The following TPRX1 variants were observed in gnomAD, a reference collection of about 807,000 sequenced individuals.
The protein encoded by TPRX1 is tetrapeptide repeat homeobox 1, also known as tetra-peptide repeat homeobox protein 1.
A neutral mutation model predicts 8.1 loss-of-function variants in TPRX1; 2 were observed. The ratio of observed to expected loss-of-function variants is 0.25; its 90% CI spans 0.10 to 0.78. The LOEUF (loss-of-function observed/expected upper bound fraction) is 0.78. Among genes scored for constraint, TPRX1 ranks in the 30% least tolerant of loss-of-function variants. The pLI, the probability that TPRX1 is intolerant of heterozygous loss-of-function variation, is 0.70. For synonymous variants in TPRX1, 257 were observed against 254.1 expected, an observed-to-expected ratio of 1.01 and a Z score of -0.11; for missense variants, 517 against 586.9, an observed-to-expected ratio of 0.88 and a Z score of 1.23.
At chr19:47,813,155 C>A (rs1568616706) in intron 2 of TPRX1, among the ~76,000 whole-genome samples, 1 of 115,246 alleles carries the variant, frequency 8.7e-6, no homozygotes, top group Non-Finnish European at 1.9e-5. Flanking sequence ...ATAAATAAAA[C>A]AACCCCCCCC....
At position 47,802,546 on chromosome 19, in the gene TPRX1, G is replaced by A. The variant is rs192305541; in HGVS notation, c.756C>T (p.Gly252=). The change falls in exon 4 of 4, where the codon GGC becomes GGT. Residue 252 remains glycine, a synonymous_variant. Transcript: ENST00000535759. ...GGATCGGGGCTGGGCCTGAAATTGG[G>A]CCTGGGATTGGGCCACGGAATGGGC... 2,159 of 1,550,182 alleles carry A rather than the reference G, an allele frequency of 1.4e-3. 9 individuals carry two copies. Among genetic ancestry groups the A allele is most frequent in the African/African-American group, 0.013 (971 of 72,692 alleles).
At chr19:47,809,252 A>G (rs1967761261) in intron 2 of TPRX1, among the ~76,000 whole-genome samples, 1 of 152,112 alleles carries the variant, frequency 6.6e-6, no homozygotes, top group Non-Finnish European at 1.5e-5. Context: ...TATATATTAT[A>G]CATATACATA....
intron 2 of TPRX1, among the ~76,000 whole-genome samples, chr19:47,815,129 T>TATATATGCAAATATATATATATATGCAA (rs1555800034): frequency 3.9e-5 from 4 of 101,790 alleles, no homozygotes; most frequent in African/African-American, 1.4e-4. Flanking sequence ...TATATATATA[T>TATATATGCAAATATATATATATATGCAA]ATATATATAT....
intron 2 of TPRX1, chr19:47,818,359 T>TCCAC (rs1967868346): frequency 3.0e-6 from 1 of 334,428 alleles, no homozygotes; most frequent in African/African-American, 4.0e-5. Flanking sequence ...CATCCATCCA[T>TCCAC]CCATCCATCA....
chr19:47,801,736 G>A (rs1247475322), exon 4 of TPRX1: 4 of 1,524,358 alleles, frequency 2.6e-6, no homozygotes, highest in South Asian at 1.3e-5. Flanking sequence ...GCCACTCCAG[G>A]CCCTCTGGGA....
At chr19:47,803,050 T>C in intron 3 of TPRX1, 70 bp from the exon 3 acceptor site, 1 of 1,467,186 alleles carries the variant, frequency 6.8e-7, no homozygotes. Context: ...CCTTTTGGGG[T>C]CGGGGCCAGC....
Position 47,802,758 on chromosome 19 carries a change from G to A in TPRX1, c.544C>T (p.Gln182Ter), listed in dbSNP as rs1263023951. Residue 182 changes from glutamine to a stop codon, truncating the protein, a stop_gained, in exon 4 of 4, where the codon CAG (glutamine) becomes TAG (stop). Transcript: ENST00000535759. LOFTEE classifies it low-confidence loss of function (END_TRUNC). ...CTCAGGGCAGCTGGGATGCCCTTCT[G>A]GGCTCTGCACCCAGGGCCACCCCAG... The A allele has an allele frequency of 6.8e-6, 11 of 1,606,822 alleles. No individual in the cohort carries two copies. Among genetic ancestry groups the A allele is most frequent in the African/African-American group, 1.3e-5 (1 of 74,862 alleles).
chr19:47,818,327 A>G, intron 2 of TPRX1: 1 of 307,012 alleles, frequency 3.3e-6, no homozygotes, highest in Non-Finnish European at 6.2e-6. Flanking sequence ...CCATCCATCC[A>G]TCCATCCATC....
chr19:47,801,988 G>A lies in TPRX1; in HGVS notation c.1314C>T (p.Ser438=), dbSNP rs115054462. ...ATAACTGGGTGTCTGGCAAGAAGTC[G>A]GAGGCATCGGGGCTCTGAGGCCATA... is the stretch of plus-strand genomic sequence containing the variant. The change falls in exon 4 of 4, where the codon TCC becomes TCT. Residue 438 remains serine, a synonymous_variant. Coordinates refer to ENST00000535759, the Ensembl canonical transcript of TPRX1. The A allele has an allele frequency of 1.2e-3, 1,982 of 1,613,938 alleles. 24 individuals are homozygous for A. In the African/African-American group the frequency reaches 0.023, roughly 18 times the overall value.
chr19:47,802,740 C>T lies in TPRX1; in HGVS notation c.562G>A (p.Ala188Thr). ...ATCGGGCCAGGGCCTGGACTCAGGG[C>T]AGCTGGGATGCCCTTCTGGGCTCTG... is the stretch of plus-strand genomic sequence containing the variant. The change falls in exon 4 of 4, where the codon GCC becomes ACC. Residue 188 changes from alanine (A) to threonine (T), a missense_variant. By Grantham distance (58) the Ala-to-Thr change is moderately conservative (BLOSUM62 0). Transcript: ENST00000535759. 8.7e-6 allele frequency: 14 copies of T among 1,602,854 alleles called. No individual in the cohort carries two copies. The highest frequency in any genetic ancestry group is 1.2e-5 in the Non-Finnish European group (14 of 1,175,410).
intron 2 of TPRX1, among the ~76,000 whole-genome samples, chr19:47,815,145 C>CATATATATATATATATATAT (rs1967825613): frequency 3.0e-5 from 1 of 33,840 alleles, no homozygotes; most frequent in Non-Finnish European, 6.0e-5. Flanking sequence ...TATATATATG[C>CATATATATATATATATATAT]AAATATATAT....
At position 47,801,910 on chromosome 19, in the gene TPRX1, TG is replaced by T. The variant is rs1967667619; in HGVS notation, c.1391del (p.Ser464Ter). On this transcript the variant is annotated frameshift_variant, in exon 4 of 4. Transcript: ENST00000535759. LOFTEE classifies it low-confidence loss of function (END_TRUNC). ...GGTACTGAGAGGTCATGGTGGAGAC[TG>T]AGGATCCCTCCAAGGGGTCTAGGGG... 1 of 1,614,164 alleles carries T rather than the reference TG, an allele frequency of 6.2e-7. No homozygotes were observed. The highest frequency in any genetic ancestry group is 8.5e-7 in the Non-Finnish European group (1 of 1,180,030).
At chr19:47,806,239 C>T (rs1450850965) in intron 2 of TPRX1, among the ~76,000 whole-genome samples, 1 of 150,972 alleles carries the variant, frequency 6.6e-6, no homozygotes, top group African/African-American at 2.4e-5. Context: ...ATAAAAGTGG[C>T]TGGGCACGGT....
chr19:47,803,785 C>T (rs1967707601), intron 2 of TPRX1, 112 bp from the exon 2 acceptor site: 1 of 519,200 alleles, frequency 1.9e-6, no homozygotes, highest in Admixed American at 3.2e-5. Flanking sequence ...GCTGGGGCGG[C>T]ACCGCGGATA....
chr19:47,804,346 CA>C (rs1168380350), intron 2 of TPRX1, among the ~76,000 whole-genome samples, 168 bp downstream of exon 1: 6 of 152,040 alleles, frequency 3.9e-5, no homozygotes, highest in African/African-American at 1.5e-4. Context: ...TGAGACGCTA[CA>C]CCCAGCTGCA....
chr19:47,809,748 C>T (rs546879290), intron 2 of TPRX1, among the ~76,000 whole-genome samples: 2 of 152,174 alleles, frequency 1.3e-5, no homozygotes, highest in South Asian at 2.1e-4. Flanking sequence ...CCCTAGGACT[C>T]GTCAACACCC....
intron 2 of TPRX1, among the ~76,000 whole-genome samples, chr19:47,814,829 C>T (rs1017074079): frequency 6.6e-5 from 10 of 152,032 alleles, no homozygotes; most frequent in African/African-American, 1.9e-4. Flanking sequence ...GACTGAGTTT[C>T]GCTCTTGTCG....
chr19:47,814,153 T>C (rs2123719479), intron 2 of TPRX1, among the ~76,000 whole-genome samples: 1 of 150,632 alleles, frequency 6.6e-6, no homozygotes, highest in Non-Finnish European at 1.5e-5. Flanking sequence ...GCCTCCTGGG[T>C]TCAAAGGATT....
chr19:47,812,422 T>C (rs8104921), intron 2 of TPRX1, among the ~76,000 whole-genome samples: 39,864 of 150,610 alleles, frequency 0.26, 5,630 homozygotes, highest in Middle Eastern at 0.37. Flanking sequence ...CATAGCGAGA[T>C]CTTGTCTCTC....
Sources: gnomAD v4.1 joint callset for allele counts (sites outside exome capture counted in the v4.1 genomes callset) on GRCh38, gnomAD v4.1.1 for gene constraint, MANE v1.5 for transcripts, NCBI Gene and HGNC (gene_info 2026-07-23, HGNC 2026-07-21) for gene names.